Variants in ATP11B observed in about 807,000 individuals in gnomAD.
ATP11B encodes ATPase phospholipid transporting 11B (putative).
A neutral mutation model predicts 157.8 loss-of-function variants in ATP11B; 81 were observed. That is an observed-to-expected ratio of 0.51 (90% CI 0.43 to 0.62). The LOEUF is 0.62. Ranked by LOEUF, ATP11B falls within the 20% of genes least tolerant of loss-of-function variation. The probability of loss-of-function intolerance (pLI) is 0.00; values close to 1 mark genes in which losing one functional copy is unlikely to be tolerated. For missense variants in ATP11B, 1,165 were observed against 1,402.2 expected (o/e 0.83, Z 2.70); for synonymous variants, 451 against 469.4 (o/e 0.96, Z 0.51).
chr3:182,866,912 A>G (rs539025295), intron 14 of ATP11B, among the ~76,000 whole-genome samples: 107 of 126,356 alleles, frequency 8.5e-4, no homozygotes, highest in African/African-American at 2.6e-3. Context: ...ATATAAGAAT[A>G]TATATAAAAT....
At chr3:182,854,052 A>G (rs1205952602) in intron 10 of ATP11B, among the ~76,000 whole-genome samples, 1 of 152,246 alleles carries the variant, frequency 6.6e-6, no homozygotes, top group Non-Finnish European at 1.5e-5. Flanking sequence ...AGTATTTTCT[A>G]CAAATGATGC....
At chr3:182,910,071 C>CAAAAAAAAA (rs1281546191) in intron 28 of ATP11B, among the ~76,000 whole-genome samples, 1 of 72,300 alleles carries the variant, frequency 1.4e-5, no homozygotes, top group African/African-American at 6.1e-5. Flanking sequence ...ACTCGGCCTC[C>CAAAAAAAAA]AGAAAAAAAA....
chr3:182,870,296 A>G (rs562075549), intron 17 of ATP11B, among the ~76,000 whole-genome samples: 6 of 152,346 alleles, frequency 3.9e-5, no homozygotes, highest in Admixed American at 1.3e-4. Flanking sequence ...GTAAATGGCA[A>G]AATTATTATG....
At chr3:182,876,604 A>G (rs73177344) in intron 19 of ATP11B, among the ~76,000 whole-genome samples, 1 of 152,314 alleles carries the variant, frequency 6.6e-6, no homozygotes, top group Non-Finnish European at 1.5e-5. Flanking sequence ...TTGTATAGTG[A>G]GGGCTGCTCC....
chr3:182,842,003 G>C (rs1447308590), intron 7 of ATP11B, 72 bp from the exon 8 acceptor site: 1 of 844,282 alleles, frequency 1.2e-6, no homozygotes, highest in Admixed American at 2.6e-5. Flanking sequence ...AAAAACAAAG[G>C]ATGGTGCAAA....
chr3:182,866,117 T>C (rs996368777), intron 13 of ATP11B, 151 bp from the exon 14 acceptor site: 11 of 553,204 alleles, frequency 2.0e-5, no homozygotes, highest in Non-Finnish European at 3.0e-5. Flanking sequence ...AAATGTGACA[T>C]TTTACTTTTT....
At chr3:182,830,624 A>T (rs1178977468) in intron 4 of ATP11B, among the ~76,000 whole-genome samples, 1 of 152,182 alleles carries the variant, frequency 6.6e-6, no homozygotes, top group African/African-American at 2.4e-5. Context: ...GCAAATGTGA[A>T]TTTTTCATTT....
At chr3:182,841,283 T>C (rs1718993949) in intron 7 of ATP11B, among the ~76,000 whole-genome samples, 1 of 152,230 alleles carries the variant, frequency 6.6e-6, no homozygotes, top group South Asian at 2.1e-4. Flanking sequence ...ATTTACTTTT[T>C]TATTATGTTC....
At position 182,868,965 on chromosome 3, in the gene ATP11B, A is replaced by G. The variant is rs1721444741; in HGVS notation, c.1689-113A>G. 21 of 632,096 alleles carry G rather than the reference A, an allele frequency of 3.3e-5. No homozygotes were observed. In the South Asian group the frequency reaches 5.0e-4, roughly 15 times the overall value. 39.2% of individuals were successfully genotyped at this position (632,096 alleles called of 1,614,324 possible). Reference sequence around the variant, plus strand: ...ACCTATCATCATGAAAATGGTATTAATTCTTGTTCTCAATTAGCCATTTTA... The same window carrying G: ...ACCTATCATCATGAAAATGGTATTAGTTCTTGTTCTCAATTAGCCATTTTA... On this transcript the variant is annotated intron_variant, in intron 15 of 29. Coordinates refer to ENST00000323116, the MANE Select transcript of ATP11B (RefSeq NM_014616.3).
At chr3:182,814,939 C>A (rs1213211389) in intron 1 of ATP11B, among the ~76,000 whole-genome samples, 1 of 152,022 alleles carries the variant, frequency 6.6e-6, no homozygotes, top group African/African-American at 2.4e-5. Flanking sequence ...CTTCCTTTGT[C>A]TCTGGGGAAT....
chr3:182,905,713 T>G, intron 28 of ATP11B: 1 of 450,548 alleles, frequency 2.2e-6, no homozygotes, highest in Non-Finnish European at 4.5e-6. Flanking sequence ...GAATGCCAAC[T>G]TGTTGCTTTG....
intron 1 of ATP11B, among the ~76,000 whole-genome samples, chr3:182,796,419 G>A (rs1021909747): frequency 1.2e-4 from 18 of 152,100 alleles, no homozygotes; most frequent in Non-Finnish European, 2.5e-4. Context: ...AGACCTGTAC[G>A]GTAGCCATTA....
intron 1 of ATP11B, among the ~76,000 whole-genome samples, chr3:182,799,213 G>T (rs1715820417): frequency 6.6e-6 from 1 of 151,872 alleles, no homozygotes; most frequent in South Asian, 2.1e-4. Context: ...TGGGGTTCTA[G>T]ATTTAGCCAT....
intron 12 of ATP11B, among the ~76,000 whole-genome samples, chr3:182,859,818 A>G (rs1720696273): frequency 6.6e-6 from 1 of 151,966 alleles, no homozygotes; most frequent in Non-Finnish European, 1.5e-5. Flanking sequence ...CCCAAGAGTT[A>G]TTTGCTCTGT....
intron 28 of ATP11B, chr3:182,902,505 A>G: frequency 7.8e-7 from 1 of 1,289,412 alleles, no homozygotes; most frequent in East Asian, 5.5e-5. Flanking sequence ...AGTTGCTTTA[A>G]GTGACGAGTT....
chr3:182,861,488 T>C (rs937690502), intron 12 of ATP11B, among the ~76,000 whole-genome samples: 1 of 152,218 alleles, frequency 6.6e-6, no homozygotes, highest in Non-Finnish European at 1.5e-5. Context: ...CTGTGGAAGA[T>C]AGGCATCAGA....
At chr3:182,853,822 A>G (rs988735445) in intron 10 of ATP11B, among the ~76,000 whole-genome samples, 1 of 152,252 alleles carries the variant, frequency 6.6e-6, no homozygotes, top group Non-Finnish European at 1.5e-5. Context: ...TGCAATAGCC[A>G]AAATGCATAT....
chr3:182,862,213 G>A (rs1720894790), intron 12 of ATP11B, among the ~76,000 whole-genome samples: 1 of 151,998 alleles, frequency 6.6e-6, no homozygotes, highest in African/African-American at 2.4e-5. Flanking sequence ...CCAGGAGATG[G>A]AGGTTGCAGT....
chr3:182,793,625 AGGCAGT>A lies in ATP11B; in HGVS notation c.-131_-126del. On this transcript the variant is annotated 5_prime_UTR_variant, in exon 1 of 30. Coordinates refer to ENST00000323116, the MANE Select transcript of ATP11B (RefSeq NM_014616.3). Reference sequence around the variant, plus strand: ...GGATGGGGACGCGGCGCGGGGAGTGAGGCAGTGGCGGCGGCGGCGGTAAGCGGAACT... The same window carrying A: ...GGATGGGGACGCGGCGCGGGGAGTGAGGCGGCGGCGGCGGTAAGCGGAACT... The A allele has an allele frequency of 2.2e-6, 1 of 459,106 alleles. No homozygotes were observed. The highest frequency in any genetic ancestry group is 3.8e-5 in the East Asian group (1 of 26,130). 28.4% of individuals were successfully genotyped at this position (459,106 alleles called of 1,614,324 possible). A position where few individuals can be genotyped will look rare whatever the true frequency, so the allele number is the denominator to read the frequency against.
Sources: allele counts gnomAD v4.1 joint callset (sites outside exome capture counted in the v4.1 genomes callset), GRCh38; gene constraint gnomAD v4.1.1; transcripts MANE v1.5; gene names NCBI Gene and HGNC (gene_info 2026-07-23, HGNC 2026-07-21).